The following ANKRD13D variants were observed in gnomAD, a reference collection of about 807,000 sequenced individuals.
The protein encoded by ANKRD13D is ankyrin repeat domain-containing protein 13D.
In ANKRD13D, 24 loss-of-function variants were observed where a neutral mutation model predicts 68.8. The observed-to-expected ratio is 0.35, with a 90% CI of 0.25 to 0.49. The LOEUF is 0.49. Among genes scored for constraint, ANKRD13D ranks in the 20% least tolerant of loss-of-function variants. The probability of loss-of-function intolerance (pLI) is 0.99; values close to 1 mark genes in which losing one functional copy is unlikely to be tolerated. For synonymous variants in ANKRD13D, 331 were observed against 336.1 expected (o/e 0.98, Z 0.16); for missense variants, 735 against 832.1 (o/e 0.88, Z 1.44).
rs1860881249 is a variant in ANKRD13D, at chr11:67,299,282, A to G, written c.798+158A>G. The G allele has an allele frequency of 2.3e-6, 2 of 868,408 alleles. No individual in the cohort carries two copies. The highest frequency in any genetic ancestry group is 3.6e-6 in the Non-Finnish European group (2 of 555,062). 53.8% of individuals were successfully genotyped at this position (868,408 alleles called of 1,614,324 possible). A position where few individuals can be genotyped will look rare whatever the true frequency, so the allele number is the denominator to read the frequency against. On this transcript the variant is annotated intron_variant, in intron 7 of 14. Transcript: ENST00000511455. The surrounding 1 kb of genome is among the most constrained non-coding windows in gnomAD (Gnocchi z 6.2). ...AGTGCCCAGCCCCTGCGGAGTACAC[A>G]GGGCTCACCCACATCATGGGCCCCT...
intron 6 of ANKRD13D, among the ~76,000 whole-genome samples, chr11:67,293,829 T>C (rs186308820): frequency 1.9e-4 from 29 of 152,342 alleles, no homozygotes; most frequent in Non-Finnish European, 3.2e-4. Context: ...TTCACCCATT[T>C]AAAAAATTGG....
chr11:67,299,687 G>T lies in ANKRD13D; in HGVS notation c.880+76G>T. ...CACCCTGGCCTGGGATTAGGGGCCA[G>T]AGTTTCCCAGGATGAGCTGGGAGGC... On this transcript the variant is annotated intron_variant, in intron 8 of 14. Transcript: ENST00000511455. This position sits in a 1 kb window ranked among gnomAD's most constrained non-coding sequence, Gnocchi z 6.2. 2.0e-6 allele frequency: 3 copies of T among 1,532,662 alleles called. No homozygotes were observed. The highest frequency in any genetic ancestry group is 2.6e-6 in the Non-Finnish European group (3 of 1,133,378). 94.9% of individuals were successfully genotyped at this position (1,532,662 alleles called of 1,614,324 possible).
At position 67,291,502 on chromosome 11, in the gene ANKRD13D, G is replaced by A; in HGVS notation, c.378G>A (p.Lys126=). 1 of 1,613,946 alleles carries A rather than the reference G, an allele frequency of 6.2e-7. No individual in the cohort carries two copies. Among genetic ancestry groups the A allele is most frequent in the Non-Finnish European group, 8.5e-7 (1 of 1,179,988 alleles). Residue 126 remains lysine (K), a synonymous_variant, in exon 4 of 15, where the codon AAG becomes AAA. Coordinates refer to ENST00000511455, the MANE Select transcript of ANKRD13D (RefSeq NM_207354.3). ...CCCCCGATTTCTACGTTGAGATGAA[G>A]TGGGAGTTCACCAGCTGGGGTGAGT... is the stretch of plus-strand genomic sequence containing the variant. ...RQAPDFYVEM[K]WEFTSWVPLV...
In ANKRD13D at chr11:67,290,441, C is replaced by G. The variant is rs375940543; in HGVS notation, c.346C>G (p.Arg116Gly). ...CATTCCGGAACTGCTCAACAAACTT[C>G]GCCAGGTACAGCAGGGCACAGTTAT... ...AGIPELLNKL[R>G]QAPDFYVEMK... Residue 116 changes from arginine to glycine, a missense_variant, in exon 3 of 15, where the codon CGC becomes GGC. Coordinates refer to ENST00000511455, the MANE Select transcript of ANKRD13D (RefSeq NM_207354.3). 4.4e-6 allele frequency: 7 copies of G among 1,581,720 alleles called. No homozygotes were observed. The highest frequency in any genetic ancestry group is 6.0e-6 in the Non-Finnish European group (7 of 1,165,158).
intron 5 of ANKRD13D, 29 bp downstream of exon 5, chr11:67,291,775 C>G: frequency 6.2e-7 from 1 of 1,610,226 alleles, no homozygotes; most frequent in South Asian, 1.1e-5. Flanking sequence ...CATTGCAGCT[C>G]CTCGGCCCTT....
At position 67,300,588 on chromosome 11, in the gene ANKRD13D, C is replaced by T. The variant is rs748151356; in HGVS notation, c.1074-402C>T. On this transcript the variant is annotated intron_variant, in intron 10 of 14. Coordinates refer to ENST00000511455, the MANE Select transcript of ANKRD13D (RefSeq NM_207354.3). This position sits in a 1 kb window ranked among gnomAD's most constrained non-coding sequence, Gnocchi z 4.3. ...AGGATTCTCTTAGCCACCCAACAGT[C>T]GCTGGGATTCGAACCCTGGCAGTCT... 2.8e-5 allele frequency: 11 copies of T among 386,178 alleles called. No homozygotes were observed. In the South Asian group the frequency reaches 4.4e-4, roughly 16 times the overall value. 23.9% of individuals were successfully genotyped at this position (386,178 alleles called of 1,614,324 possible). A position where few individuals can be genotyped will look rare whatever the true frequency, so the allele number is the denominator to read the frequency against.
rs780611326 is a variant in ANKRD13D, at chr11:67,299,876, C to T, written c.930C>T (p.Ser310=). The T allele has an allele frequency of 6.5e-7, 1 of 1,543,608 alleles. No homozygotes were observed. Among genetic ancestry groups the T allele is most frequent in the East Asian group, 2.3e-5 (1 of 44,236 alleles). ...TCCTGGGGATGGCGCAGCAGCATTC[C>T]TCCCACACCGGGGTGAGCCGGGGCT... ...QSFLGMAQQH[S]SHTGAPVQQA... The change falls in exon 9 of 15, where the codon TCC becomes TCT. Residue 310 remains serine, a synonymous_variant. Coordinates refer to ENST00000511455, the MANE Select transcript of ANKRD13D (RefSeq NM_207354.3). This position sits in a 1 kb window ranked among gnomAD's most constrained non-coding sequence, Gnocchi z 6.2.
chr11:67,290,522 T>G, intron 3 of ANKRD13D, 76 bp downstream of exon 3: 2 of 1,489,540 alleles, frequency 1.3e-6, no homozygotes, highest in South Asian at 2.6e-5. Context: ...GGCCTGGCCT[T>G]GGAAAGGCAC....
At chr11:67,296,342 T>TGTGTG (rs1325112026) in intron 6 of ANKRD13D, among the ~76,000 whole-genome samples, 2 of 151,128 alleles carry the variant, frequency 1.3e-5, no homozygotes, top group Non-Finnish European at 3.0e-5. Flanking sequence ...GGCCTGAGTG[T>TGTGTG]GTGTGTGTGT....
chr11:67,295,290 G>A (rs142499976), intron 6 of ANKRD13D, among the ~76,000 whole-genome samples: 1,824 of 151,916 alleles, frequency 0.012, 33 homozygotes, highest in Middle Eastern at 0.02. Context: ...GGTGGCGGGC[G>A]CCTGTAATCC....
rs371023473 is a variant in ANKRD13D, at chr11:67,302,052, C to T, written c.1605-67C>T. 227 of 1,466,708 alleles carry T rather than the reference C, an allele frequency of 1.5e-4. 1 individual carries two copies. In the South Asian group the frequency reaches 3.0e-3, roughly 19 times the overall value. 90.9% of individuals were successfully genotyped at this position (1,466,708 alleles called of 1,614,324 possible). A position where few individuals can be genotyped will look rare whatever the true frequency, so the allele number is the denominator to read the frequency against. ...TTGTCCTCCAAAGCCGGTCCCCAGC[C>T]CCTCGGCTTCTGCCCCAGCCTTGGC... On this transcript the variant is annotated intron_variant, in intron 14 of 14. Coordinates refer to ENST00000511455, the MANE Select transcript of ANKRD13D (RefSeq NM_207354.3).
At chr11:67,292,403 G>A (rs1339685273) in intron 6 of ANKRD13D, among the ~76,000 whole-genome samples, 2 of 152,156 alleles carry the variant, frequency 1.3e-5, no homozygotes, top group African/African-American at 4.8e-5. Context: ...AGGTCAAGAT[G>A]TCCCCAGTTT....
chr11:67,293,329 T>C (rs1860651481), intron 6 of ANKRD13D, among the ~76,000 whole-genome samples: 1 of 152,224 alleles, frequency 6.6e-6, no homozygotes, highest in South Asian at 2.1e-4. Flanking sequence ...CACTCATTTG[T>C]TTTTGGAATC....
At chr11:67,292,762 T>A (rs1264410103) in intron 6 of ANKRD13D, among the ~76,000 whole-genome samples, 2 of 152,202 alleles carry the variant, frequency 1.3e-5, no homozygotes, top group African/African-American at 4.8e-5. Context: ...TTAGAACATT[T>A]TTATCACCTC....
Position 67,300,805 on chromosome 11 carries a change from G to T in ANKRD13D, c.1074-185G>T, listed in dbSNP as rs559367982. ...CCCCAGCCTGGGCCCAGGGAGGAGG[G>T]CAGCTTGGGCCACGTGGCCAGGACA... On this transcript the variant is annotated intron_variant, in intron 10 of 14. Transcript: ENST00000511455. This position sits in a 1 kb window ranked among gnomAD's most constrained non-coding sequence, Gnocchi z 4.3. 3.5e-5 allele frequency: 24 copies of T among 685,310 alleles called. No homozygotes were observed. The East Asian group carries it at 6.7e-4, about 19-fold the overall frequency. 42.5% of individuals were successfully genotyped at this position (685,310 alleles called of 1,614,324 possible).
chr11:67,301,197 C>T lies in ANKRD13D; in HGVS notation c.1231+50C>T. 1 of 1,603,276 alleles carries T rather than the reference C, an allele frequency of 6.2e-7. No homozygotes were observed. Among genetic ancestry groups the T allele is most frequent in the South Asian group, 1.1e-5 (1 of 89,132 alleles). On this transcript the variant is annotated intron_variant, in intron 11 of 14. Transcript: ENST00000511455. This position sits in a 1 kb window ranked among gnomAD's most constrained non-coding sequence, Gnocchi z 4.5. ...GGAGGACCTCAGGCATGGCACCCTC[C>T]CTCAGCGCAGTCCCTGGAGAGCTGC...
At chr11:67,298,964 C>T (rs916506646) in intron 6 of ANKRD13D, 94 bp from the exon 7 acceptor site, 35 of 1,391,894 alleles carry the variant, frequency 2.5e-5, no homozygotes, top group Non-Finnish European at 3.4e-5. Flanking sequence ...GTTGGGCACC[C>T]CGGGCAGGCT....
At chr11:67,291,863 A>C in intron 5 of ANKRD13D, 117 bp downstream of exon 5, 2 of 1,509,300 alleles carry the variant, frequency 1.3e-6, no homozygotes, top group Non-Finnish European at 1.8e-6. Flanking sequence ...TTGGGGATGG[A>C]GGGGCATCCA....
In ANKRD13D at chr11:67,292,062, C is replaced by G; in HGVS notation, c.613C>G (p.Leu205Val). The change falls in exon 6 of 15, where the codon CTG (leucine) becomes GTG (valine). Residue 205 changes from leucine (L) to valine (V), a missense_variant. By Grantham distance (32) the Leu-to-Val change is conservative. Coordinates refer to ENST00000511455, the MANE Select transcript of ANKRD13D (RefSeq NM_207354.3). ...GCATGTGGAGACACTGGGGCTCACTCTGCAGGAGCCCGAAACACTGCTGGC... is the reference window on the plus strand; with the variant it reads ...GCATGTGGAGACACTGGGGCTCACTGTGCAGGAGCCCGAAACACTGCTGGC... The part of the protein sequence containing the change: ...VVHVETLGLT[L>V]QEPETLLAAM... The G allele has an allele frequency of 6.2e-7, 1 of 1,610,552 alleles. No homozygotes were observed. The highest frequency in any genetic ancestry group is 8.5e-7 in the Non-Finnish European group (1 of 1,177,700).
Sources: allele counts gnomAD v4.1 joint callset (sites outside exome capture counted in the v4.1 genomes callset), GRCh38; gene constraint gnomAD v4.1.1; non-coding constraint Gnocchi (gnomAD v3.1); transcripts MANE v1.5; gene names NCBI Gene and HGNC (gene_info 2026-07-23, HGNC 2026-07-21).